NGEF: variants seen among roughly 807,000 people sequenced by gnomAD.
The protein encoded by NGEF is ephexin-1.
A neutral mutation model predicts 80.9 loss-of-function variants in NGEF; 31 were observed. The ratio of observed to expected loss-of-function variants is 0.38; its 90% confidence interval spans 0.29 to 0.52. The LOEUF (loss-of-function observed/expected upper bound fraction) is 0.52, where lower values mean the gene tolerates loss of function less well. NGEF is among the 20% of genes least tolerant of loss of function. NGEF has a pLI of 0.84. For synonymous variants in NGEF, 371 were observed against 370.2 expected, an observed-to-expected ratio of 1.00 and a Z score of -0.03; for missense variants, 709 against 926.2, an observed-to-expected ratio of 0.77 and a Z score of 3.04.
chr2:232,886,417 CGTGTGTGCA>C (rs1350107802), intron 9 of NGEF, among the ~76,000 whole-genome samples: 6 of 151,010 alleles, frequency 4.0e-5, no homozygotes, highest in East Asian at 2.0e-4. Flanking sequence ...GTGCGTGTGC[CGTGTGTGCA>C]GTGTGTGCCC....
intron 3 of NGEF, 31 bp downstream of exon 3, chr2:232,970,183 C>T: frequency 2.3e-6 from 3 of 1,332,614 alleles, no homozygotes; most frequent in Non-Finnish European, 3.1e-6. Context: ...CTTTCCCAGA[C>T]CAGCATTCCT....
intron 6 of NGEF, among the ~76,000 whole-genome samples, chr2:232,894,027 C>A (rs890664958): frequency 6.6e-6 from 1 of 152,210 alleles, no homozygotes; most frequent in African/African-American, 2.4e-5. Flanking sequence ...CTGCGCCGGG[C>A]CCCACCTTGG....
intron 5 of NGEF, among the ~76,000 whole-genome samples, chr2:232,899,564 A>G (rs1213421639): frequency 6.6e-6 from 1 of 151,658 alleles, no homozygotes; most frequent in Non-Finnish European, 1.5e-5. Context: ...ATTCACTTAC[A>G]CACATGCTCT....
chr2:232,960,095 G>T (rs562374384), intron 3 of NGEF, among the ~76,000 whole-genome samples: 12 of 152,246 alleles, frequency 7.9e-5, no homozygotes, highest in Non-Finnish European at 1.5e-4. Context: ...CCATTGCCAG[G>T]AACAGAGGAA....
intron 3 of NGEF, among the ~76,000 whole-genome samples, chr2:232,966,093 C>T (rs576839222): frequency 3.1e-4 from 47 of 152,298 alleles, no homozygotes; most frequent in Non-Finnish European, 6.0e-4. Flanking sequence ...AAAGCGATTT[C>T]CTGACTGTCT....
At chr2:232,983,418 T>A (rs896885308) in intron 1 of NGEF, among the ~76,000 whole-genome samples, 1 of 151,328 alleles carries the variant, frequency 6.6e-6, no homozygotes, top group Non-Finnish European at 1.5e-5. Flanking sequence ...GTTTGGTGCC[T>A]GAGGGGTGAA....
At position 232,883,399 on chromosome 2, in the gene NGEF, C is replaced by T; in HGVS notation, c.1669G>A (p.Gly557Ser). The T allele has an allele frequency of 6.2e-7, 1 of 1,612,044 alleles. No homozygotes were observed. The highest frequency in any genetic ancestry group is 8.5e-7 in the Non-Finnish European group (1 of 1,179,264). ...ATGAACACGTTGGCCAGCGTCTGGC[C>T]CTGGTCCTCCAGCTCCTCCACACGC... ...LLRVEELEDQ[G>S]QTLANVFILR... is the part of the protein sequence containing the mutation. The change falls in exon 12 of 15, where the codon GGC becomes AGC. Residue 557 changes from glycine to serine, a missense_variant. Physicochemically the swap from Gly to Ser is moderately conservative, Grantham distance 56 (BLOSUM62 0). Around this residue, in one of 2 missense-constraint regions of NGEF, gnomAD observed 426 missense variants for 622.9 expected, o/e 0.68. Coordinates refer to ENST00000264051, the MANE Select transcript of NGEF (RefSeq NM_019850.3).
At chr2:232,997,226 C>T (rs1023013808) in intron 1 of NGEF, among the ~76,000 whole-genome samples, 10 of 152,220 alleles carry the variant, frequency 6.6e-5, no homozygotes, top group Non-Finnish European at 1.5e-4. Context: ...CCCTGGGAAC[C>T]TGCTTTTCTA....
intron 5 of NGEF, among the ~76,000 whole-genome samples, chr2:232,896,120 C>G (rs1692051010): frequency 6.6e-6 from 1 of 152,158 alleles, no homozygotes; most frequent in Admixed American, 6.5e-5. Context: ...AACTGTGGCC[C>G]CCACAGAAGC....
At chr2:232,984,357 GC>G (rs1694493993) in intron 1 of NGEF, among the ~76,000 whole-genome samples, 1 of 151,836 alleles carries the variant, frequency 6.6e-6, no homozygotes, top group Admixed American at 6.6e-5. Context: ...CTCCCAAAGT[GC>G]TGGAATTACT....
rs765228971 is a variant in NGEF at position 232,892,986 on chromosome 2, C to T, written c.1054G>A (p.Val352Met). Residue 352 changes from valine to methionine, a missense_variant, in exon 7 of 15, where the codon GTG becomes ATG. Physicochemically the swap from Val to Met is conservative, Grantham distance 21. Around this residue, in one of 2 missense-constraint regions of NGEF, gnomAD observed 426 missense variants for 622.9 expected, o/e 0.68. Transcript: ENST00000264051. The surrounding 1 kb of genome is among the most constrained non-coding windows in gnomAD (Gnocchi z 4.0). ...NIVISDVCDI[V>M]YRYAADHFSV... ...AAGTGGTCGGCCGCATAACGGTACA[C>T]AATGTCACACACGTCAGAGATGACG... The T allele has an allele frequency of 3.0e-5, 48 of 1,613,542 alleles. No homozygotes were observed. The highest frequency in any genetic ancestry group is 5.0e-5 in the Admixed American group (3 of 60,018).
chr2:232,995,883 A>C (rs1694832197), intron 1 of NGEF, among the ~76,000 whole-genome samples: 1 of 151,162 alleles, frequency 6.6e-6, no homozygotes, highest in South Asian at 2.1e-4. Flanking sequence ...TACATACACT[A>C]TAATACATAT....
rs79624510 is a variant in NGEF, at chr2:232,925,335, C to T, written c.526+1709G>A. On this transcript the variant is annotated intron_variant, in intron 4 of 14. Transcript: ENST00000264051. ...AAGTCTATGACAGGTGAGAAGAGGG[C>T]GGGGGCAGCCCTGGGCTGTCAGTCA... 1.7e-3 allele frequency among the ~76,000 whole-genome samples: 253 copies of T among 152,284 alleles called. 3 individuals are homozygous for T. Among genetic ancestry groups the T allele is most frequent in the African/African-American group, 5.8e-3 (241 of 41,562 alleles).
intron 9 of NGEF, among the ~76,000 whole-genome samples, chr2:232,886,194 CTGTG>C (rs891015177): frequency 1.1e-4 from 8 of 74,446 alleles, no homozygotes; most frequent in African/African-American, 4.4e-4. Context: ...GCCATGTGTG[CTGTG>C]TGTGCTATGC....
chr2:232,960,947 A>G (rs73995747), intron 3 of NGEF, among the ~76,000 whole-genome samples: 6,864 of 152,242 alleles, frequency 0.045, 486 homozygotes, highest in African/African-American at 0.15. Context: ...TGCTTGACAT[A>G]TGTAAGTTGG....
At chr2:232,886,761 G>GCCCCTCACGGGCCATGGTGGC (rs1270051909) in intron 9 of NGEF, among the ~76,000 whole-genome samples, 2 of 152,260 alleles carry the variant, frequency 1.3e-5, no homozygotes, top group African/African-American at 4.8e-5. Context: ...GGGCACGTGG[G>GCCCCTCACGGGCCATGGTGGC]CCCCTCACGG....
At chr2:232,934,413 A>T (rs1480559515) in intron 3 of NGEF, among the ~76,000 whole-genome samples, 1 of 151,972 alleles carries the variant, frequency 6.6e-6, no homozygotes, top group Non-Finnish European at 1.5e-5. Context: ...TTTTAAAGAA[A>T]ATATTAAAGT....
intron 5 of NGEF, among the ~76,000 whole-genome samples, chr2:232,917,362 C>T (rs1180416648): frequency 6.6e-6 from 1 of 152,164 alleles, no homozygotes; most frequent in Non-Finnish European, 1.5e-5. Context: ...AGCTGGTCCT[C>T]CAGTGAAAAC....
At chr2:232,952,970 CAAAAAAAAAAAAAAAAAAAAA>C (rs57198276) in intron 3 of NGEF, among the ~76,000 whole-genome samples, 1 of 73,068 alleles carries the variant, frequency 1.4e-5, no homozygotes, top group Non-Finnish European at 2.6e-5. Flanking sequence ...AGACAGCCCT[CAAAAAAAAAAAAAAAAAAAAA>C]AAAAAAACAA....
Sources: allele counts gnomAD v4.1 joint callset (sites outside exome capture counted in the v4.1 genomes callset), GRCh38; gene constraint gnomAD v4.1.1; regional missense constraint gnomAD v4.1.1; non-coding constraint Gnocchi (gnomAD v3.1); transcripts MANE v1.5; gene names NCBI Gene and HGNC (gene_info 2026-07-23, HGNC 2026-07-21).